Variants in PALM2AKAP2 observed in about 807,000 individuals in gnomAD.
PALM2AKAP2 encodes the protein PALM2 and AKAP2 fusion.
In PALM2AKAP2, 37 loss-of-function variants were observed where a neutral mutation model predicts 71.5. The observed-to-expected ratio is 0.52, with a 90% confidence interval of 0.40 to 0.68. The LOEUF (loss-of-function observed/expected upper bound fraction) is 0.68. Among genes scored for constraint, PALM2AKAP2 ranks in the 30% least tolerant of loss-of-function variants. PALM2AKAP2 has a pLI of 0.00. For synonymous variants in PALM2AKAP2, 468 were observed against 478.8 expected, an observed-to-expected ratio of 0.98 and a Z score of 0.29; for missense variants, 1,224 against 1,191.8, an observed-to-expected ratio of 1.03 and a Z score of -0.40.
chr9:109,757,176 A>G (rs1162619815), intron 1 of PALM2AKAP2, among the ~76,000 whole-genome samples: 3 of 152,030 alleles, frequency 2.0e-5, no homozygotes, highest in Non-Finnish European at 2.9e-5. Context: ...CCTCCATGAG[A>G]TTAACTTTTT....
intron 3 of PALM2AKAP2, among the ~76,000 whole-genome samples, chr9:109,900,202 A>G (rs1830298585): frequency 6.6e-6 from 1 of 152,218 alleles, no homozygotes; most frequent in Non-Finnish European, 1.5e-5. Context: ...ACAAGAAACT[A>G]AAGGAAGGAG....
chr9:110,119,740 T>C (rs1196894451), intron 1 of PALM2AKAP2, among the ~76,000 whole-genome samples: 5 of 152,230 alleles, frequency 3.3e-5, no homozygotes, highest in Non-Finnish European at 7.3e-5. Context: ...CCATATCTTT[T>C]GTCTAGTTTT....
At chr9:110,003,857 C>T (rs1832726736) in intron 6 of PALM2AKAP2, among the ~76,000 whole-genome samples, 1 of 152,140 alleles carries the variant, frequency 6.6e-6, no homozygotes, top group Non-Finnish European at 1.5e-5. Context: ...GCAACCCCTG[C>T]CTTTTTTTGT....
chr9:110,046,203 TAAAC>T (rs756396338), upstream of PALM2AKAP2, among the ~76,000 whole-genome samples: 2 of 152,214 alleles, frequency 1.3e-5, 1 homozygote, highest in Non-Finnish European at 2.9e-5. Flanking sequence ...TTGAACAAAT[TAAAC>T]AACTATTTCT....
At chr9:110,067,642 G>A (rs1834111027) in intron 1 of PALM2AKAP2, among the ~76,000 whole-genome samples, 1 of 152,224 alleles carries the variant, frequency 6.6e-6, no homozygotes, top group African/African-American at 2.4e-5. Flanking sequence ...TTGCTGAGCT[G>A]TAAGCTGTAA....
chr9:109,890,246 C>G (rs892103473), intron 3 of PALM2AKAP2, among the ~76,000 whole-genome samples: 1 of 152,182 alleles, frequency 6.6e-6, no homozygotes, highest in South Asian at 2.1e-4. Context: ...CACAAGGGCC[C>G]GGAGCCAAGA....
chr9:109,968,803 G>C (rs1832006123), intron 6 of PALM2AKAP2, among the ~76,000 whole-genome samples: 1 of 152,168 alleles, frequency 6.6e-6, no homozygotes, highest in Non-Finnish European at 1.5e-5. Context: ...CTGCCACTAA[G>C]ACCCCTGGAA....
intron 1 of PALM2AKAP2, among the ~76,000 whole-genome samples, chr9:109,713,449 A>G (rs1828270328): frequency 6.6e-6 from 1 of 152,204 alleles, no homozygotes; most frequent in South Asian, 2.1e-4. Flanking sequence ...TATTTAAATG[A>G]TATATTTCAT....
chr9:109,704,169 A>G (rs1403605446), intron 1 of PALM2AKAP2, among the ~76,000 whole-genome samples: 1 of 152,214 alleles, frequency 6.6e-6, no homozygotes, highest in African/African-American at 2.4e-5. Context: ...GAAAGAAAGA[A>G]CAGAAGATGC....
intron 7 of PALM2AKAP2, among the ~76,000 whole-genome samples, chr9:110,035,222 A>AT (rs1292616643): frequency 9.1e-5 from 13 of 142,452 alleles, no homozygotes; most frequent in Admixed American, 2.3e-4. Flanking sequence ...TATATATAAA[A>AT]AATATATATA....
chr9:109,939,544 T>C (rs1831311659), intron 6 of PALM2AKAP2, among the ~76,000 whole-genome samples: 1 of 152,260 alleles, frequency 6.6e-6, no homozygotes, highest in African/African-American at 2.4e-5. Context: ...TAAGATATTG[T>C]ACCTACAAAC....
intron 3 of PALM2AKAP2, among the ~76,000 whole-genome samples, chr9:110,156,975 G>C (rs528623165): frequency 1.3e-5 from 2 of 152,292 alleles, no homozygotes; most frequent in Admixed American, 6.5e-5. Flanking sequence ...GAGTGTGTTT[G>C]GGGCTGTTAA....
intron 1 of PALM2AKAP2, among the ~76,000 whole-genome samples, chr9:109,704,151 CAG>C (rs1037201256): frequency 1.3e-5 from 2 of 152,176 alleles, no homozygotes; most frequent in African/African-American, 4.8e-5. Context: ...AGCAGGTACT[CAG>C]GGGCTGAAAG....
At chr9:110,031,750 G>A (rs568485759) in intron 7 of PALM2AKAP2, among the ~76,000 whole-genome samples, 1 of 152,254 alleles carries the variant, frequency 6.6e-6, no homozygotes, top group South Asian at 2.1e-4. Context: ...CTTCACCTTG[G>A]AGAATAATGA....
chr9:109,816,102 A>G (rs903313625), intron 1 of PALM2AKAP2, among the ~76,000 whole-genome samples: 9 of 152,210 alleles, frequency 5.9e-5, no homozygotes, highest in African/African-American at 1.9e-4. Flanking sequence ...AACATGTACA[A>G]AGATCCCTGG....
At chr9:109,677,778 C>A (rs891730431) in intron 1 of PALM2AKAP2, among the ~76,000 whole-genome samples, 6 of 152,084 alleles carry the variant, frequency 3.9e-5, no homozygotes, top group African/African-American at 1.4e-4. Flanking sequence ...AGCCTGAAAT[C>A]ATCAACATCC....
intron 1 of PALM2AKAP2, among the ~76,000 whole-genome samples, chr9:110,116,387 T>TGCGTGTGCGTGTGC (rs1835363375): frequency 6.6e-6 from 1 of 151,380 alleles, no homozygotes; most frequent in Non-Finnish European, 1.5e-5. Flanking sequence ...TGTGTGTGTG[T>TGCGTGTGCGTGTGC]GCGCATGTGT....
intron 1 of PALM2AKAP2, among the ~76,000 whole-genome samples, chr9:109,666,341 T>G (rs1251434531): frequency 6.6e-6 from 1 of 152,220 alleles, no homozygotes; most frequent in Admixed American, 6.5e-5. Context: ...CAAAGTATCT[T>G]TTTAAATGCA....
chr9:109,745,384 G>T (rs1828783564), intron 1 of PALM2AKAP2, among the ~76,000 whole-genome samples: 2 of 152,066 alleles, frequency 1.3e-5, no homozygotes, highest in South Asian at 4.2e-4. Flanking sequence ...AAGGCTCATA[G>T]TTCCAGGCTC....
Sources: gnomAD v4.1 joint callset for allele counts (sites outside exome capture counted in the v4.1 genomes callset) on GRCh38, gnomAD v4.1.1 for gene constraint, MANE v1.5 for transcripts, NCBI Gene and HGNC (gene_info 2026-07-23, HGNC 2026-07-21) for gene names.